Variants in NRXN1 observed in about 807,000 individuals in gnomAD.
The protein encoded by NRXN1 is neurexin-1.
NRXN1 carries 39 observed loss-of-function variants against 150.9 expected under a neutral mutation model. That is an observed-to-expected ratio of 0.26 (90% CI 0.20 to 0.34). The LOEUF is 0.34. NRXN1 is among the 10% of genes least tolerant of loss of function. The pLI is 1.00. For missense variants in NRXN1, 1,815 were observed against 1,949.9 expected, an observed-to-expected ratio of 0.93 and a Z score of 1.30; for synonymous variants, 924 against 757.0, an observed-to-expected ratio of 1.22 and a Z score of -3.62.
At chr2:50,618,382 CT>C (rs952902361) in intron 8 of NRXN1, among the ~76,000 whole-genome samples, 2 of 152,118 alleles carry the variant, frequency 1.3e-5, no homozygotes, top group Non-Finnish European at 2.9e-5. Flanking sequence ...ATCTCACCCT[CT>C]TTTTAAATCA....
At chr2:50,935,499 C>T (rs1407655400) in intron 2 of NRXN1, among the ~76,000 whole-genome samples, 1 of 152,068 alleles carries the variant, frequency 6.6e-6, no homozygotes, top group East Asian at 1.9e-4. Context: ...CTTCGGGAGG[C>T]CAAGGCAGGC....
intron 13 of NRXN1, among the ~76,000 whole-genome samples, chr2:50,505,154 G>A (rs896642265): frequency 1.3e-5 from 2 of 151,894 alleles, no homozygotes. Flanking sequence ...ACTTTCTATA[G>A]AGCCATACAC....
At chr2:50,252,567 T>C (rs1313169034) in intron 17 of NRXN1, among the ~76,000 whole-genome samples, 1 of 152,172 alleles carries the variant, frequency 6.6e-6, no homozygotes, top group Non-Finnish European at 1.5e-5. Flanking sequence ...CACATTTATA[T>C]CTTTAATCCA....
intron 12 of NRXN1, among the ~76,000 whole-genome samples, chr2:50,521,384 A>G (rs989501334): frequency 1.3e-5 from 2 of 152,214 alleles, no homozygotes; most frequent in African/African-American, 2.4e-5. Flanking sequence ...TGTATGAATG[A>G]TGAACTCAAA....
intron 17 of NRXN1, among the ~76,000 whole-genome samples, chr2:50,266,160 A>C (rs1019818160): frequency 6.7e-6 from 1 of 149,484 alleles, no homozygotes; most frequent in African/African-American, 2.4e-5. Context: ...CACAACGCCC[A>C]GGTAATTTTT....
At position 50,259,200 on chromosome 2, in the gene NRXN1, T is replaced by C. The variant is rs561908714; in HGVS notation, c.3365-22230A>G. On this transcript the variant is annotated intron_variant, in intron 17 of 22. Coordinates refer to ENST00000401669, the MANE Select transcript of NRXN1 (RefSeq NM_001330078.2). ...AAGAAGATACCTACATGGCATCTTC[T>C]TCAAAAACTATATAAAGCTGTTTTG... Among the ~76,000 whole-genome samples, 12 of 152,084 alleles carry C rather than the reference T, an allele frequency of 7.9e-5. 1 individual carries two copies. In the South Asian group the frequency reaches 2.5e-3, roughly 32 times the overall value.
At chr2:50,043,428 A>G (rs1277618285) in intron 21 of NRXN1, among the ~76,000 whole-genome samples, 2 of 152,198 alleles carry the variant, frequency 1.3e-5, no homozygotes, top group African/African-American at 4.8e-5. Flanking sequence ...TGCACGGAAA[A>G]GTCAGACTTG....
chr2:50,105,799 T>G (rs1234828976), intron 18 of NRXN1, among the ~76,000 whole-genome samples: 2 of 152,012 alleles, frequency 1.3e-5, no homozygotes, highest in South Asian at 4.1e-4. Context: ...TAGATCTGAA[T>G]TTTGTAGCCA....
At chr2:50,747,956 C>T (rs1336602854) in intron 5 of NRXN1, among the ~76,000 whole-genome samples, 1 of 152,146 alleles carries the variant, frequency 6.6e-6, no homozygotes, top group Non-Finnish European at 1.5e-5. Context: ...CTAGCTGTGG[C>T]TAAACACCTC....
At chr2:50,015,516 C>CA (rs34466037) in intron 21 of NRXN1, among the ~76,000 whole-genome samples, 1,800 of 31,308 alleles carry the variant, frequency 0.057, 177 homozygotes, top group African/African-American at 0.091. Flanking sequence ...GGATTTCTGC[C>CA]AAAAAAAAAA....
chr2:51,028,427 T>C lies in NRXN1; in HGVS notation c.-154A>G, dbSNP rs576870622. The C allele has an allele frequency of 3.9e-5, 18 of 461,842 alleles. No homozygotes were observed. The highest frequency in any genetic ancestry group is 5.7e-4 in the Middle Eastern group (1 of 1,762). The allele number at this position is 461,842 out of a possible 1,614,324, so 28.6% of individuals were successfully genotyped here. A position where few individuals can be genotyped will look rare whatever the true frequency, so the allele number is the denominator to read the frequency against. On this transcript the variant is annotated 5_prime_UTR_variant, in exon 2 of 23. Coordinates refer to ENST00000401669, the MANE Select transcript of NRXN1 (RefSeq NM_001330078.2). The stretch of plus-strand genomic sequence containing the variant: ...GTGCCCTCCTTTATCTAGTTCTTTT[T>C]TTCTTCTTCTTCTTCCAATAACCCC...
At chr2:50,763,983 C>G (rs1310347298) in intron 5 of NRXN1, among the ~76,000 whole-genome samples, 2 of 151,426 alleles carry the variant, frequency 1.3e-5, no homozygotes, top group Non-Finnish European at 2.9e-5. Flanking sequence ...TGCATTAGAA[C>G]TAAAGAGAAA....
intron 5 of NRXN1, among the ~76,000 whole-genome samples, chr2:50,886,685 A>C (rs1414039186): frequency 1.3e-5 from 2 of 151,356 alleles, no homozygotes; most frequent in African/African-American, 4.8e-5. Flanking sequence ...TGAAACAGAC[A>C]ATATGTCCAT....
At chr2:50,355,583 T>A (rs746390795) in intron 17 of NRXN1, among the ~76,000 whole-genome samples, 12 of 152,156 alleles carry the variant, frequency 7.9e-5, no homozygotes, top group Non-Finnish European at 1.5e-4. Flanking sequence ...TACTTTGACA[T>A]ATCCCATGCT....
At chr2:50,030,802 C>G (rs770399080) in intron 21 of NRXN1, among the ~76,000 whole-genome samples, 14 of 152,074 alleles carry the variant, frequency 9.2e-5, no homozygotes, top group Middle Eastern at 6.3e-3. Context: ...TATGGCATGT[C>G]TCAATGCTTT....
chr2:49,967,432 A>C (rs1200405136), intron 21 of NRXN1, among the ~76,000 whole-genome samples: 1 of 152,098 alleles, frequency 6.6e-6, no homozygotes, highest in African/African-American at 2.4e-5. Flanking sequence ...TACATTCAAC[A>C]AAGAAAAATA....
chr2:50,832,106 G>A (rs142966052), intron 5 of NRXN1, among the ~76,000 whole-genome samples: 199 of 152,240 alleles, frequency 1.3e-3, no homozygotes, highest in African/African-American at 4.6e-3. Context: ...TACTAGAATC[G>A]AGAAAATCAA....
intron 21 of NRXN1, among the ~76,000 whole-genome samples, chr2:49,999,485 T>C (rs7604126): frequency 0.36 from 55,201 of 152,030 alleles, 10,716 homozygotes; most frequent in South Asian, 0.45. Context: ...TTTGAAACTA[T>C]ACCTTGCTCA....
chr2:50,093,214 A>G (rs1187945893), intron 18 of NRXN1, among the ~76,000 whole-genome samples: 1 of 152,150 alleles, frequency 6.6e-6, no homozygotes, highest in African/African-American at 2.4e-5. Flanking sequence ...CAGTCTACAC[A>G]ATACTAAAAT....
Sources: allele counts gnomAD v4.1 joint callset (sites outside exome capture counted in the v4.1 genomes callset), GRCh38; gene constraint gnomAD v4.1.1; transcripts MANE v1.5; gene names NCBI Gene and HGNC (gene_info 2026-07-23, HGNC 2026-07-21).